PFKP: variants seen among roughly 807,000 people sequenced by gnomAD.
The protein encoded by PFKP is ATP-dependent 6-phosphofructokinase, platelet type.
PFKP carries 101 observed loss-of-function variants against 94.3 expected under a neutral mutation model. That is an observed-to-expected ratio of 1.07 (90% CI 0.91 to 1.26). The LOEUF (loss-of-function observed/expected upper bound fraction) is 1.26. PFKP is among the 50% of genes most tolerant of loss of function. PFKP has a pLI of 0.00. For missense variants in PFKP, 1,145 were observed against 1,103.3 expected (o/e 1.04, Z -0.53); for synonymous variants, 573 against 432.6 (o/e 1.32, Z -4.03).
intron 2 of PFKP, among the ~76,000 whole-genome samples, chr10:3,086,462 C>A (rs544280907): frequency 2.0e-5 from 3 of 152,216 alleles, no homozygotes; most frequent in African/African-American, 7.2e-5. Flanking sequence ...TGATTTACCC[C>A]CTTAGGACGT....
At chr10:3,101,694 A>T in intron 4 of PFKP, 140 bp downstream of exon 4, 1 of 590,880 alleles carries the variant, frequency 1.7e-6, no homozygotes, top group South Asian at 2.6e-5. Flanking sequence ...ACTTTTTAGG[A>T]TCTCAAAAAA....
chr10:3,112,697 A>G (rs1836370033), intron 11 of PFKP, among the ~76,000 whole-genome samples: 1 of 152,178 alleles, frequency 6.6e-6, no homozygotes, highest in African/African-American at 2.4e-5. Flanking sequence ...AGCTGCGACT[A>G]CCAGCTCGTA....
intron 20 of PFKP, 60 bp downstream of exon 20, chr10:3,134,642 A>G: frequency 9.2e-7 from 1 of 1,084,678 alleles, no homozygotes; most frequent in Non-Finnish European, 1.4e-6. Flanking sequence ...GCCTTGGTGA[A>G]AATGCTGTCC....
intron 16 of PFKP, chr10:3,129,378 C>A (rs1279796523): frequency 6.3e-6 from 1 of 158,704 alleles, no homozygotes; most frequent in Non-Finnish European, 1.4e-5. Context: ...AATAGAATAG[C>A]ACAGCGGTTC....
chr10:3,099,067 C>T (rs1168338297), intron 2 of PFKP, among the ~76,000 whole-genome samples: 2 of 152,192 alleles, frequency 1.3e-5, no homozygotes, highest in Non-Finnish European at 2.9e-5. Flanking sequence ...TGAGTCTAGG[C>T]AGACGTTCCC....
In PFKP at chr10:3,097,760, T is replaced by A. The variant is rs559996452; in HGVS notation, c.187-1515T>A. Among the ~76,000 whole-genome samples the A allele has an allele frequency of 7.9e-5, 12 of 152,318 alleles. 1 individual carries two copies. In the East Asian group the frequency reaches 2.3e-3, roughly 29 times the overall value. On this transcript the variant is annotated intron_variant, in intron 2 of 21. Coordinates refer to ENST00000381125, the MANE Select transcript of PFKP (RefSeq NM_002627.5). ...TGGCTCACGCCTGTAATCCCAGCAC[T>A]TTGGGAGGCCCAGGCAGGCAGATCA...
At chr10:3,096,272 T>C (rs1381403879) in intron 2 of PFKP, among the ~76,000 whole-genome samples, 3 of 152,132 alleles carry the variant, frequency 2.0e-5, no homozygotes, top group East Asian at 1.9e-4. Flanking sequence ...TAGGGGTGCA[T>C]GGTTGACTCC....
chr10:3,120,454 T>A (rs1837298006), intron 16 of PFKP, among the ~76,000 whole-genome samples: 1 of 152,068 alleles, frequency 6.6e-6, no homozygotes, highest in African/African-American at 2.4e-5. Flanking sequence ...ACCCCTGCCT[T>A]GATGCTGAGG....
chr10:3,129,769 G>A, intron 16 of PFKP, 50 bp from the exon 17 acceptor site: 1 of 1,598,164 alleles, frequency 6.3e-7, no homozygotes, highest in Non-Finnish European at 8.5e-7. Flanking sequence ...TGGGATGGTG[G>A]GCGCGCCCCG....
chr10:3,095,256 T>C (rs1426730022), intron 2 of PFKP, among the ~76,000 whole-genome samples: 2 of 152,296 alleles, frequency 1.3e-5, no homozygotes, highest in East Asian at 1.9e-4. Context: ...ACTACGCGCA[T>C]AGGTGAACTA....
chr10:3,072,455 C>A (rs1394427629), intron 1 of PFKP, among the ~76,000 whole-genome samples: 1 of 152,190 alleles, frequency 6.6e-6, no homozygotes, highest in Admixed American at 6.5e-5. Context: ...TTCCTGTGTA[C>A]ATACATTATT....
chr10:3,086,324 T>A (rs1172665777), intron 2 of PFKP, among the ~76,000 whole-genome samples: 1 of 152,086 alleles, frequency 6.6e-6, no homozygotes, highest in Non-Finnish European at 1.5e-5. Flanking sequence ...AGGAAGGAAA[T>A]CACTTCTCTT....
At chr10:3,093,238 T>C (rs779282779) in intron 2 of PFKP, among the ~76,000 whole-genome samples, 4 of 152,018 alleles carry the variant, frequency 2.6e-5, no homozygotes, top group Non-Finnish European at 4.4e-5. Flanking sequence ...TCCCTGACTG[T>C]CACCCCCACC....
intron 19 of PFKP, among the ~76,000 whole-genome samples, chr10:3,133,706 C>A (rs1838873280): frequency 6.6e-6 from 1 of 152,232 alleles, no homozygotes; most frequent in Admixed American, 6.5e-5. Flanking sequence ...GGTGGGAATA[C>A]AGGCCTGAGC....
intron 4 of PFKP, among the ~76,000 whole-genome samples, chr10:3,103,134 C>T (rs907198160): frequency 5.9e-5 from 9 of 152,252 alleles, no homozygotes; most frequent in East Asian, 3.8e-4. Context: ...GTAATTGTAA[C>T]GTATCCTGTT....
At chr10:3,077,410 C>T (rs530133575) in intron 1 of PFKP, among the ~76,000 whole-genome samples, 1 of 151,456 alleles carries the variant, frequency 6.6e-6, no homozygotes, top group African/African-American at 2.4e-5. Context: ...TGCAGGCGCT[C>T]ACCACCATGC....
At chr10:3,080,910 G>T (rs1833019927) in intron 1 of PFKP, among the ~76,000 whole-genome samples, 1 of 152,156 alleles carries the variant, frequency 6.6e-6, no homozygotes, top group African/African-American at 2.4e-5. Context: ...GAAGAAAGTT[G>T]TGCTGTTCGG....
chr10:3,102,078 C>T (rs988446029), intron 4 of PFKP, among the ~76,000 whole-genome samples: 36 of 150,288 alleles, frequency 2.4e-4, no homozygotes, highest in African/African-American at 8.0e-4. Flanking sequence ...GGTGAAACCC[C>T]GTCTCTACTA....
At chr10:3,114,976 G>A (rs1836641656) in intron 13 of PFKP, among the ~76,000 whole-genome samples, 1 of 152,216 alleles carries the variant, frequency 6.6e-6, no homozygotes, top group African/African-American at 2.4e-5. Flanking sequence ...GAGATGGTGG[G>A]TCCAGACTGG....
Sources: allele counts gnomAD v4.1 joint callset (sites outside exome capture counted in the v4.1 genomes callset), GRCh38; gene constraint gnomAD v4.1.1; transcripts MANE v1.5; gene names NCBI Gene and HGNC (gene_info 2026-07-23, HGNC 2026-07-21).